Variants in TRPC4 observed in about 807,000 individuals in gnomAD.
The protein encoded by TRPC4 is short transient receptor potential channel 4.
In TRPC4, 49 loss-of-function variants were observed where a neutral mutation model predicts 99.4. The ratio of observed to expected loss-of-function variants is 0.49; its 90% CI spans 0.39 to 0.63. The LOEUF is 0.63. Among genes scored for constraint, TRPC4 ranks in the 20% least tolerant of loss-of-function variants. The pLI is 0.00. For synonymous variants in TRPC4, 454 were observed against 425.9 expected (o/e 1.07, Z -0.81); for missense variants, 898 against 1,152.9 (o/e 0.78, Z 3.20).
At chr13:37,686,416 C>T (rs746597767) in intron 4 of TRPC4, among the ~76,000 whole-genome samples, 7 of 151,204 alleles carry the variant, frequency 4.6e-5, no homozygotes, top group South Asian at 2.1e-4. Context: ...ACTGGTTATA[C>T]GTATACGTGT....
rs66517518 is a variant in TRPC4 at position 37,635,055 on chromosome 13, TA to T, written c.*1847del. 0.22 allele frequency among the ~76,000 whole-genome samples: 34,134 copies of T among 151,952 alleles called. 4,476 individuals are homozygous for T. Among genetic ancestry groups the T allele is most frequent in the East Asian group, 0.68 (3,520 of 5,154 alleles). On this transcript the variant is annotated 3_prime_UTR_variant, in exon 11 of 11. Transcript: ENST00000379705. ...TAATAAATATGTTTTTAAAATCTAC[TA>T]ACTTTAATGTAATTTAGTCTAAAGA...
intron 5 of TRPC4, among the ~76,000 whole-genome samples, chr13:37,671,996 G>A (rs971263709): frequency 1.3e-5 from 2 of 152,112 alleles, no homozygotes; most frequent in African/African-American, 2.4e-5. Flanking sequence ...TCCACATACC[G>A]TTTCTCCCTC....
intron 2 of TRPC4, 80 bp from the exon 3 acceptor site, chr13:37,746,535 A>G: frequency 6.9e-7 from 1 of 1,459,158 alleles, no homozygotes; most frequent in Non-Finnish European, 9.1e-7. Flanking sequence ...TGCTATAGCA[A>G]TATGGAACAG....
At position 37,637,566 on chromosome 13, in the gene TRPC4, G is replaced by C; in HGVS notation, c.2271C>G (p.Ser757Arg). 3.1e-6 allele frequency: 5 copies of C among 1,612,450 alleles called. No homozygotes were observed. Among genetic ancestry groups the C allele is most frequent in the Non-Finnish European group, 4.2e-6 (5 of 1,179,396 alleles). The change falls in exon 11 of 11, where the codon AGC (serine) becomes AGG (arginine). Residue 757 changes from serine (S) to arginine (R), a missense_variant. Physicochemically the swap from Ser to Arg is moderately radical, Grantham distance 110. Around this residue, in one of 3 missense-constraint regions of TRPC4, gnomAD observed 346 missense variants for 351.4 expected, o/e 0.98. Coordinates refer to ENST00000379705, the MANE Select transcript of TRPC4 (RefSeq NM_016179.4). ...RFEVLGLLRGSKLSTIQSANA... is the reference protein window; with the variant it reads ...RFEVLGLLRGRKLSTIQSANA... Reference sequence around the variant, plus strand: ...TCGCAGATTGTATTGTGGAAAGTTTGCTTCCTCTTAGTAATCCCAGGACTT... The same window carrying C: ...TCGCAGATTGTATTGTGGAAAGTTTCCTTCCTCTTAGTAATCCCAGGACTT...
rs776959389 is a variant in TRPC4, at chr13:37,639,089, A to C, written c.2162T>G (p.Met721Arg). 1.4e-5 allele frequency: 23 copies of C among 1,613,682 alleles called. No individual in the cohort carries two copies. The East Asian group carries it at 4.7e-4, about 33-fold the overall frequency. Residue 721 changes from methionine to arginine, a missense_variant, in exon 10 of 11, where the codon ATG becomes AGG. Met to Arg is a moderately conservative substitution (Grantham distance 91). Around this residue, in one of 3 missense-constraint regions of TRPC4, gnomAD observed 346 missense variants for 351.4 expected, o/e 0.98. Transcript: ENST00000379705. The part of the protein sequence containing the change: ...RNLVKRYVAA[M>R]IRDAKTEEGL... Reference sequence around the variant, plus strand: ...TTCTTCAGTTTTAGCATCTCTAATCATTGCAGCAACGTATCGCTTCACCAG... The same window carrying C: ...TTCTTCAGTTTTAGCATCTCTAATCCTTGCAGCAACGTATCGCTTCACCAG...
At chr13:37,718,214 T>C (rs1417231583) in intron 3 of TRPC4, among the ~76,000 whole-genome samples, 1 of 151,972 alleles carries the variant, frequency 6.6e-6, no homozygotes, top group Middle Eastern at 3.2e-3. Flanking sequence ...GCAGACAGTC[T>C]AGGTAAAGGG....
intron 8 of TRPC4, among the ~76,000 whole-genome samples, chr13:37,642,481 G>A (rs1047789366): frequency 6.6e-6 from 1 of 152,094 alleles, no homozygotes; most frequent in Non-Finnish European, 1.5e-5. Context: ...GGGGATGGGA[G>A]TTCCATCTTT....
Position 37,702,008 on chromosome 13 carries a change from G to T in TRPC4, c.898-9673C>A, listed in dbSNP as rs1045021936. 8.3e-4 allele frequency among the ~76,000 whole-genome samples: 126 copies of T among 152,060 alleles called. 1 individual carries two copies. Among genetic ancestry groups the T allele is most frequent in the African/African-American group, 2.8e-3 (116 of 41,460 alleles). ...ATTCTAAAACCAGAGTGTTGGCAGC[G>T]CCATGCTTTCTCTGAGACTCTGGGT... On this transcript the variant is annotated intron_variant, in intron 3 of 10. Coordinates refer to ENST00000379705, the MANE Select transcript of TRPC4 (RefSeq NM_016179.4).
intron 3 of TRPC4, among the ~76,000 whole-genome samples, chr13:37,726,691 T>A (rs1436362635): frequency 6.6e-6 from 1 of 152,146 alleles, no homozygotes; most frequent in Non-Finnish European, 1.5e-5. Flanking sequence ...ATGGCTCAAC[T>A]ATATGCTTTC....
chr13:37,835,268 A>G (rs1958535403), intron 1 of TRPC4, among the ~76,000 whole-genome samples: 1 of 152,136 alleles, frequency 6.6e-6, no homozygotes, highest in South Asian at 2.1e-4. Context: ...CCTTCAAAAA[A>G]TTACTACTTC....
At chr13:37,642,245 C>T (rs544868888) in intron 8 of TRPC4, among the ~76,000 whole-genome samples, 67 of 152,216 alleles carry the variant, frequency 4.4e-4, no homozygotes, top group African/African-American at 1.5e-3. Context: ...ATGAACTTTT[C>T]GGCATGACAT....
At chr13:37,785,054 G>C (rs926428687) in intron 1 of TRPC4, among the ~76,000 whole-genome samples, 1 of 152,002 alleles carries the variant, frequency 6.6e-6, no homozygotes, top group Non-Finnish European at 1.5e-5. Flanking sequence ...TATAACTTTA[G>C]TATTGTGGGG....
intron 3 of TRPC4, among the ~76,000 whole-genome samples, chr13:37,724,521 T>A (rs1047165542): frequency 6.6e-6 from 1 of 152,216 alleles, no homozygotes; most frequent in African/African-American, 2.4e-5. Flanking sequence ...TTATGATGAA[T>A]TGTTATTATA....
chr13:37,810,477 A>G (rs1299246052), intron 1 of TRPC4, among the ~76,000 whole-genome samples: 1 of 152,076 alleles, frequency 6.6e-6, no homozygotes, highest in Non-Finnish European at 1.5e-5. Context: ...GATAACAGCT[A>G]TAGATCAAAA....
At chr13:37,820,315 C>A (rs2139527073) in intron 1 of TRPC4, among the ~76,000 whole-genome samples, 1 of 152,022 alleles carries the variant, frequency 6.6e-6, no homozygotes, top group Non-Finnish European at 1.5e-5. Flanking sequence ...TCCTACCAAC[C>A]AGAACATGTC....
At chr13:37,852,554 T>C (rs1021492911) in intron 1 of TRPC4, among the ~76,000 whole-genome samples, 1 of 152,130 alleles carries the variant, frequency 6.6e-6, no homozygotes, top group African/African-American at 2.4e-5. Flanking sequence ...TGGTGGCTAT[T>C]ATAAAAGACT....
chr13:37,795,630 T>G (rs1957224995), intron 1 of TRPC4, among the ~76,000 whole-genome samples: 1 of 152,188 alleles, frequency 6.6e-6, no homozygotes. Flanking sequence ...ATTCTTAAAG[T>G]AATGGAGATG....
intron 3 of TRPC4, among the ~76,000 whole-genome samples, chr13:37,696,502 A>G (rs890804000): frequency 6.6e-6 from 1 of 152,242 alleles, no homozygotes; most frequent in African/African-American, 2.4e-5. Flanking sequence ...AATTGTACCC[A>G]AAGTTCAGAC....
At chr13:37,644,716 CA>C (rs1951817296) in intron 8 of TRPC4, among the ~76,000 whole-genome samples, 4 of 151,400 alleles carry the variant, frequency 2.6e-5, no homozygotes, top group Admixed American at 2.0e-4. Flanking sequence ...TAAAAATACA[CA>C]AAAAAATTTG....
Sources: gnomAD v4.1 joint callset for allele counts (sites outside exome capture counted in the v4.1 genomes callset) on GRCh38, gnomAD v4.1.1 for gene constraint, gnomAD v4.1.1 regional missense constraint, MANE v1.5 for transcripts, NCBI Gene and HGNC (gene_info 2026-07-23, HGNC 2026-07-21) for gene names.